Variants in DDAH1 observed in about 807,000 individuals in gnomAD.
DDAH1 encodes N(G),N(G)-dimethylarginine dimethylaminohydrolase 1.
In DDAH1, 19 loss-of-function variants were observed where a neutral mutation model predicts 28.8. That is an observed-to-expected ratio of 0.66 (90% CI 0.46 to 0.97). The LOEUF (loss-of-function observed/expected upper bound fraction) is 0.97. Among genes scored for constraint, DDAH1 ranks in the 50% least tolerant of loss-of-function variants. DDAH1 has a pLI of 0.00. For synonymous variants in DDAH1, 153 were observed against 154.4 expected (o/e 0.99, Z 0.07); for missense variants, 326 against 375.9 (o/e 0.87, Z 1.10).
At chr1:85,568,696 T>C (rs1659374595) in intron 1 of DDAH1, among the ~76,000 whole-genome samples, 1 of 152,166 alleles carries the variant, frequency 6.6e-6, no homozygotes, top group African/African-American at 2.4e-5. Context: ...AGGATCCTTA[T>C]TAAAGGATCC....
intron 1 of DDAH1, among the ~76,000 whole-genome samples, chr1:85,441,206 C>T (rs1654174384): frequency 6.6e-6 from 1 of 152,162 alleles, no homozygotes; most frequent in African/African-American, 2.4e-5. Flanking sequence ...TCACAGCACA[C>T]AAGGAAGGAA....
chr1:85,538,638 AG>A (rs1432559802), intron 1 of DDAH1, among the ~76,000 whole-genome samples: 1 of 150,110 alleles, frequency 6.7e-6, no homozygotes, highest in African/African-American at 2.4e-5. Context: ...GAAAAAAAAA[AG>A]AACAACTCAA....
upstream of DDAH1, among the ~76,000 whole-genome samples, chr1:85,465,486 G>C (rs535596353): frequency 2.0e-3 from 304 of 152,338 alleles, 1 homozygote; most frequent in African/African-American, 7.1e-3. Context: ...GCCGGCCTCG[G>C]TCTGGACAGA....
chr1:85,557,236 A>G (rs1198632814), intron 1 of DDAH1, among the ~76,000 whole-genome samples: 1 of 152,226 alleles, frequency 6.6e-6, no homozygotes, highest in African/African-American at 2.4e-5. Flanking sequence ...TTACCACTAT[A>G]TCTCCTGTGT....
At chr1:85,356,459 T>C (rs1388419187) in intron 2 of DDAH1, among the ~76,000 whole-genome samples, 2 of 152,200 alleles carry the variant, frequency 1.3e-5, no homozygotes, top group Non-Finnish European at 2.9e-5. Context: ...AATCCAAAAA[T>C]TGAGTGGTAA....
intron 1 of DDAH1, among the ~76,000 whole-genome samples, chr1:85,562,545 G>A (rs1298217261): frequency 6.6e-6 from 1 of 152,160 alleles, no homozygotes; most frequent in South Asian, 2.1e-4. Context: ...ACTGAATTGG[G>A]ATGGACCTAA....
At chr1:85,355,130 C>T (rs2100850939) in intron 2 of DDAH1, among the ~76,000 whole-genome samples, 1 of 152,136 alleles carries the variant, frequency 6.6e-6, no homozygotes, top group Non-Finnish European at 1.5e-5. Context: ...TAACTTTATA[C>T]CCAACATATT....
intron 4 of DDAH1, among the ~76,000 whole-genome samples, chr1:85,342,009 C>T (rs1483360345): frequency 6.6e-6 from 1 of 152,132 alleles, no homozygotes; most frequent in Admixed American, 6.5e-5. Flanking sequence ...AGGTTTAAGA[C>T]ACAGCATTTC....
At chr1:85,363,945 T>C (rs1457219962) in intron 1 of DDAH1, among the ~76,000 whole-genome samples, 3 of 152,066 alleles carry the variant, frequency 2.0e-5, no homozygotes, top group African/African-American at 7.2e-5. Flanking sequence ...TACAATTCTT[T>C]TTTTTAAGCC....
intron 1 of DDAH1, among the ~76,000 whole-genome samples, chr1:85,500,648 T>A (rs1033421105): frequency 1.3e-5 from 2 of 152,150 alleles, no homozygotes; most frequent in African/African-American, 4.8e-5. Flanking sequence ...TCTTCAAATA[T>A]ATTTTCTGCC....
In DDAH1 at chr1:85,470,831, G is replaced by A. The variant is rs541839595; in HGVS notation, c.-7+25335C>T. On this transcript the variant is annotated intron_variant, in intron 2 of 6. Coordinates refer to the DDAH1 transcript ENST00000426972. ...TCAGTTTCTCCAACTTTCATCTGGG[G>A]TTTCGTTCATTGAAGAAACATTTAC... 5.3e-5 allele frequency among the ~76,000 whole-genome samples: 8 copies of A among 152,226 alleles called. No individual in the cohort carries two copies. The South Asian group carries it at 1.7e-3, about 32-fold the overall frequency.
chr1:85,464,538 A>T lies in DDAH1; in HGVS notation c.303+205T>A. On this transcript the variant is annotated intron_variant, in intron 1 of 5. Coordinates refer to ENST00000284031, the MANE Select transcript of DDAH1 (RefSeq NM_012137.4). This position sits in a 1 kb window ranked among gnomAD's most constrained non-coding sequence, Gnocchi z 4.4. ...ACCACATTGAATCGGATCCTCCAGA[A>T]GGCTGCCGGCAGCCGGGAGGTGTGA... 1 of 1,529,172 alleles carries T rather than the reference A, an allele frequency of 6.5e-7. No individual in the cohort carries two copies. The highest frequency in any genetic ancestry group is 8.7e-7 in the Non-Finnish European group (1 of 1,143,282). 94.7% of individuals were successfully genotyped at this position (1,529,172 alleles called of 1,614,324 possible). A position where few individuals can be genotyped will look rare whatever the true frequency, so the allele number is the denominator to read the frequency against.
chr1:85,324,296 T>TAATAATAATAAA (rs1557456180), intron 5 of DDAH1, among the ~76,000 whole-genome samples: 1 of 136,288 alleles, frequency 7.3e-6, no homozygotes, highest in Admixed American at 7.6e-5. Flanking sequence ...ATAATAATAA[T>TAATAATAATAAA]AATAAATAAA....
chr1:85,472,635 C>A (rs1461309099), intron 2 of DDAH1, among the ~76,000 whole-genome samples: 1 of 152,162 alleles, frequency 6.6e-6, no homozygotes, highest in Non-Finnish European at 1.5e-5. Context: ...ACCAAAATAT[C>A]CTGTAAAGTT....
In DDAH1 at chr1:85,464,731, G is replaced by C. The variant is rs746122910; in HGVS notation, c.303+12C>G. Reference sequence around the variant, plus strand: ...CGCGCGCCCCGGCCGCGCCCCTCGAGTCGGCAGTTACCTCCTTCCTCCGGC... The same window carrying C: ...CGCGCGCCCCGGCCGCGCCCCTCGACTCGGCAGTTACCTCCTTCCTCCGGC... On this transcript the variant is annotated intron_variant, in intron 1 of 5. Coordinates refer to ENST00000284031, the MANE Select transcript of DDAH1 (RefSeq NM_012137.4). The surrounding 1 kb of genome is among the most constrained non-coding windows in gnomAD (Gnocchi z 4.4). The C allele has an allele frequency of 6.6e-7, 1 of 1,505,008 alleles. No individual in the cohort carries two copies. The highest frequency in any genetic ancestry group is 8.8e-7 in the Non-Finnish European group (1 of 1,134,796). The allele number at this position is 1,505,008 out of a possible 1,614,324, so 93.2% of individuals were successfully genotyped here. A position where few individuals can be genotyped will look rare whatever the true frequency, so the allele number is the denominator to read the frequency against.
intron 1 of DDAH1, chr1:85,399,869 ACC>A (rs1235501870): frequency 6.6e-6 from 1 of 152,072 alleles, no homozygotes. Context: ...TATAAAACCA[ACC>A]CCTTCTGTTC....
At chr1:85,468,513 G>A (rs996290503), upstream of DDAH1, among the ~76,000 whole-genome samples, 7 of 149,286 alleles carry the variant, frequency 4.7e-5, no homozygotes, top group African/African-American at 1.7e-4. Flanking sequence ...TTGTGTAGGG[G>A]AACTCTCCTT....
At chr1:85,463,914 A>G (rs1418289221) in intron 1 of DDAH1, among the ~76,000 whole-genome samples, 1 of 152,196 alleles carries the variant, frequency 6.6e-6, no homozygotes. Flanking sequence ...ACTAACCTAC[A>G]TTGCACTTAA....
intron 1 of DDAH1, among the ~76,000 whole-genome samples, chr1:85,391,760 T>C (rs185184341): frequency 1.3e-5 from 2 of 152,342 alleles, no homozygotes; most frequent in African/African-American, 4.8e-5. Context: ...GGCATTTCTT[T>C]AATAAATGGC....
Sources: allele counts gnomAD v4.1 joint callset (sites outside exome capture counted in the v4.1 genomes callset), GRCh38; gene constraint gnomAD v4.1.1; non-coding constraint Gnocchi (gnomAD v3.1); transcripts MANE v1.5; gene names NCBI Gene and HGNC (gene_info 2026-07-23, HGNC 2026-07-21).